The following YTHDC1 variants were observed in gnomAD, a reference collection of about 807,000 sequenced individuals.
YTHDC1 encodes the protein YTH N6-methyladenosine RNA binding protein C1, also known as YTH domain-containing protein 1.
A neutral mutation model predicts 107.0 loss-of-function variants in YTHDC1; 12 were observed. That is an observed-to-expected ratio of 0.11 (90% CI 0.07 to 0.18). The LOEUF (loss-of-function observed/expected upper bound fraction) is 0.18. Among genes scored for constraint, YTHDC1 ranks in the 10% least tolerant of loss-of-function variants. YTHDC1 has a pLI of 1.00. For synonymous variants in YTHDC1, 280 were observed against 289.5 expected, an observed-to-expected ratio of 0.97 and a Z score of 0.33; for missense variants, 635 against 898.8, an observed-to-expected ratio of 0.71 and a Z score of 3.75.
intron 1 of YTHDC1, chr4:68,344,094 G>C (rs905089574): frequency 4.6e-5 from 7 of 151,932 alleles, no homozygotes; most frequent in Non-Finnish European, 8.8e-5. Context: ...TTAAGACACA[G>C]AGAAGGTAAC....
At chr4:68,323,899 T>C (rs1459840717) in intron 10 of YTHDC1, among the ~76,000 whole-genome samples, 1 of 152,222 alleles carries the variant, frequency 6.6e-6, no homozygotes, top group Non-Finnish European at 1.5e-5. Flanking sequence ...CAAATTCTCT[T>C]TAGAAATATT....
chr4:68,340,476 C>A (rs1724691541), intron 1 of YTHDC1, among the ~76,000 whole-genome samples: 1 of 152,004 alleles, frequency 6.6e-6, no homozygotes, highest in Non-Finnish European at 1.5e-5. Flanking sequence ...AAGCTTCTCT[C>A]ATCATCTAGA....
chr4:68,338,525 G>A, intron 1 of YTHDC1, 141 bp from the exon 2 acceptor site: 1 of 594,180 alleles, frequency 1.7e-6, no homozygotes, highest in Non-Finnish European at 2.9e-6. Context: ...TCAGAATCAA[G>A]ACACAAGATT....
Position 68,337,860 on chromosome 4 carries a change from G to C in YTHDC1, c.171C>G (p.Thr57=). The change falls in exon 3 of 17, where the codon ACC becomes ACG. Residue 57 remains threonine (T), a synonymous_variant. Coordinates refer to ENST00000344157, the MANE Select transcript of YTHDC1 (RefSeq NM_001031732.4). The part of the protein sequence containing the change: ...RKSDRMESTD[T]KRQKPSVHSR... ...AATGGACAGAAGGCTTTTGTCGTTT[G>C]GTATCAGTAGATTCCATTCGATCAC... 1 of 1,613,116 alleles carries C rather than the reference G, an allele frequency of 6.2e-7. No homozygotes were observed. Among genetic ancestry groups the C allele is most frequent in the Non-Finnish European group, 8.5e-7 (1 of 1,179,936 alleles).
rs1560512458 is a variant in YTHDC1, at chr4:68,349,868, A to T, written c.-115T>A. On this transcript the variant is annotated 5_prime_UTR_variant, in exon 1 of 17. Coordinates refer to ENST00000344157, the MANE Select transcript of YTHDC1 (RefSeq NM_001031732.4). The stretch of plus-strand genomic sequence containing the variant: ...CGTCCGTCAGTCCGTCTGCCCGGAT[A>T]CGCGCGTCGCACTTGGCCTCTTAAC... The T allele has an allele frequency of 2.2e-5, 32 of 1,457,806 alleles. No homozygotes were observed. Among genetic ancestry groups the T allele is most frequent in the Non-Finnish European group, 2.3e-5 (24 of 1,052,364 alleles). The allele number at this position is 1,457,806 out of a possible 1,614,324, so 90.3% of individuals were successfully genotyped here.
chr4:68,312,806 G>C lies in YTHDC1; in HGVS notation c.*1293C>G, dbSNP rs1001755411. ...TCAAATATTCCTAATGTTTATAAAGGCCAAATTCCAAAGGCCAAAACTCCA... is the reference window on the plus strand; with the variant it reads ...TCAAATATTCCTAATGTTTATAAAGCCCAAATTCCAAAGGCCAAAACTCCA... On this transcript the variant is annotated 3_prime_UTR_variant, in exon 17 of 17. Transcript: ENST00000344157. The C allele has an allele frequency of 1.3e-5, 2 of 151,984 alleles. No homozygotes were observed. The highest frequency in any genetic ancestry group is 2.9e-5 in the Non-Finnish European group (2 of 67,982). 9.4% of individuals were successfully genotyped at this position (151,984 alleles called of 1,614,324 possible). A position where few individuals can be genotyped will look rare whatever the true frequency, so the allele number is the denominator to read the frequency against.
chr4:68,320,290 T>C (rs1486451614), intron 11 of YTHDC1, 85 bp from the exon 12 acceptor site: 1 of 922,438 alleles, frequency 1.1e-6, no homozygotes, highest in Non-Finnish European at 1.6e-6. Flanking sequence ...CAGAGATAAG[T>C]ACAAAGAATA....
At position 68,331,666 on chromosome 4, in the gene YTHDC1, T is replaced by A. The variant is rs990662290; in HGVS notation, c.1122+437A>T. 3.9e-5 allele frequency among the ~76,000 whole-genome samples: 6 copies of A among 152,160 alleles called. No individual in the cohort carries two copies. The Middle Eastern group carries it at 0.01, about 259-fold the overall frequency. ...TTCTTTTTCTTCTAAATCCCAATGA[T>A]CTTAATTCTAAAAAATAAAACTCTC... On this transcript the variant is annotated intron_variant, in intron 7 of 16. Coordinates refer to ENST00000344157, the MANE Select transcript of YTHDC1 (RefSeq NM_001031732.4).
intron 15 of YTHDC1, 91 bp downstream of exon 15, chr4:68,318,428 G>GT (rs1173485897): frequency 4.7e-5 from 61 of 1,288,310 alleles, no homozygotes; most frequent in Middle Eastern, 2.7e-4. Flanking sequence ...TCTTTAATGA[G>GT]TAACTGTAAC....
chr4:68,316,161 G>T, intron 16 of YTHDC1, 153 bp downstream of exon 16: 1 of 826,056 alleles, frequency 1.2e-6, no homozygotes, highest in Non-Finnish European at 1.7e-6. Context: ...GCATAATCAG[G>T]CATTTTTAAT....
intron 1 of YTHDC1, among the ~76,000 whole-genome samples, chr4:68,345,617 T>C (rs1433877499): frequency 6.6e-6 from 1 of 152,094 alleles, no homozygotes; most frequent in Non-Finnish European, 1.5e-5. Context: ...ACAATTTAAG[T>C]GCAAAGATAT....
intron 1 of YTHDC1, among the ~76,000 whole-genome samples, chr4:68,346,847 A>G (rs1430616582): frequency 6.6e-6 from 1 of 152,208 alleles, no homozygotes; most frequent in African/African-American, 2.4e-5. Context: ...CATCATAGGT[A>G]TATACATATA....
At chr4:68,330,793 T>G (rs564321507) in intron 7 of YTHDC1, among the ~76,000 whole-genome samples, 15 of 151,304 alleles carry the variant, frequency 9.9e-5, no homozygotes, top group African/African-American at 3.7e-4. Context: ...GTTCAAATTT[T>G]TATGTATCAA....
chr4:68,330,842 G>A (rs894714155), intron 7 of YTHDC1, among the ~76,000 whole-genome samples: 1 of 152,060 alleles, frequency 6.6e-6, no homozygotes, highest in Non-Finnish European at 1.5e-5. Flanking sequence ...CCTACAGCTG[G>A]AAGATATTTG....
intron 15 of YTHDC1, among the ~76,000 whole-genome samples, chr4:68,317,972 C>T (rs921285523): frequency 5.9e-5 from 9 of 152,186 alleles, no homozygotes; most frequent in African/African-American, 2.4e-5. Flanking sequence ...TGAACCCAAG[C>T]GGACTTTGCA....
At chr4:68,331,286 G>A (rs1309008002) in intron 7 of YTHDC1, among the ~76,000 whole-genome samples, 1 of 152,110 alleles carries the variant, frequency 6.6e-6, no homozygotes, top group African/African-American at 2.4e-5. Flanking sequence ...TGTGGATACC[G>A]AGGGCCAAGT....
rs900674073 is a variant in YTHDC1, at chr4:68,330,246, C to T, written c.1187G>A (p.Ser396Asn). 6 of 1,607,252 alleles carry T rather than the reference C, an allele frequency of 3.7e-6. No individual in the cohort carries two copies. The highest frequency in any genetic ancestry group is 5.1e-6 in the Non-Finnish European group (6 of 1,176,908). Reference protein sequence around the residue: ...KLNLAFRSARSVILIFSVRES... With the variant: ...KLNLAFRSARNVILIFSVRES... ...TCTGACAGAAAATATTAAGATAACACTCCTTGCAGATCTAAATGCAAGATT... is the reference window on the plus strand; with the variant it reads ...TCTGACAGAAAATATTAAGATAACATTCCTTGCAGATCTAAATGCAAGATT... The change falls in exon 8 of 17, where the codon AGT becomes AAT. Residue 396 changes from serine (S) to asparagine (N), a missense_variant. This residue lies in a region of YTHDC1 where 60 missense variants were observed against 172.0 expected (regional missense o/e 0.35). Coordinates refer to ENST00000344157, the MANE Select transcript of YTHDC1 (RefSeq NM_001031732.4).
Position 68,314,197 on chromosome 4 carries a change from C to G in YTHDC1, c.2086G>C (p.Asp696His). The G allele has an allele frequency of 6.2e-7, 1 of 1,613,630 alleles. No homozygotes were observed. The highest frequency in any genetic ancestry group is 8.5e-7 in the Non-Finnish European group (1 of 1,179,778). The change falls in exon 17 of 17, where the codon GAC (aspartate) becomes CAC (histidine). Residue 696 changes from aspartate to histidine, a missense_variant. Around this residue, in one of 5 missense-constraint regions of YTHDC1, gnomAD observed 256 missense variants for 372.9 expected, o/e 0.69. Coordinates refer to ENST00000344157, the MANE Select transcript of YTHDC1 (RefSeq NM_001031732.4). Reference sequence around the variant, plus strand: ...TCACGTCCTCTATCTCGCTCTCTGTCTCGTCTGTTATCTCTAGGGCGGTCT... The same window carrying G: ...TCACGTCCTCTATCTCGCTCTCTGTGTCGTCTGTTATCTCTAGGGCGGTCT... The part of the protein sequence containing the change: ...ERDRPRDNRR[D>H]RERDRGRDRE...
intron 12 of YTHDC1, among the ~76,000 whole-genome samples, chr4:68,319,914 G>A (rs984383936): frequency 5.3e-5 from 8 of 152,064 alleles, no homozygotes; most frequent in Admixed American, 2.0e-4. Flanking sequence ...AGGGTATGAT[G>A]AGTTACACTG....
Sources: allele counts gnomAD v4.1 joint callset (sites outside exome capture counted in the v4.1 genomes callset), GRCh38; gene constraint gnomAD v4.1.1; regional missense constraint gnomAD v4.1.1; transcripts MANE v1.5; gene names NCBI Gene and HGNC (gene_info 2026-07-23, HGNC 2026-07-21).